MTERF4: variants seen among roughly 807,000 people sequenced by gnomAD.
The protein encoded by MTERF4 is transcription termination factor 4, mitochondrial.
MTERF4 carries 17 observed loss-of-function variants against 22.5 expected under a neutral mutation model. That is an observed-to-expected ratio of 0.75 (90% CI 0.52 to 1.13). The LOEUF (loss-of-function observed/expected upper bound fraction) is 1.13, where lower values mean the gene tolerates loss of function less well. MTERF4 is among the 50% of genes most tolerant of loss of function. The pLI, the probability that MTERF4 is intolerant of heterozygous loss-of-function variation, is 0.00. For synonymous variants in MTERF4, 165 were observed against 175.3 expected (o/e 0.94, Z 0.47); for missense variants, 420 against 466.8 (o/e 0.90, Z 0.92).
At chr2:241,091,544 G>A (rs916516666), downstream of MTERF4, 1 of 133,926 alleles carries the variant, frequency 7.5e-6, no homozygotes, top group African/African-American at 3.4e-5. The surrounding 1 kb of genome is among the most constrained non-coding windows in gnomAD (Gnocchi z 4.1). Context: ...CAGAGGCCCT[G>A]AGGGCCACTA....
chr2:241,085,031 C>A (rs1308336336), downstream of MTERF4, among the ~76,000 whole-genome samples: 1 of 152,036 alleles, frequency 6.6e-6, no homozygotes, highest in East Asian at 1.9e-4. Flanking sequence ...ATGTGTCTTC[C>A]TGCCCCTTTT....
At chr2:241,067,961 C>T (rs1321809130), downstream of MTERF4, 3 of 1,600,110 alleles carry the variant, frequency 1.9e-6, no homozygotes, top group South Asian at 3.3e-5. Context: ...AGAAGGGACA[C>T]CCAGAGCATG....
At chr2:241,062,373 G>A in the MTERF4 span, among the ~76,000 whole-genome samples, 1 of 152,168 alleles carries the variant, frequency 6.6e-6, no homozygotes, top group Non-Finnish European at 1.5e-5. Flanking sequence ...CACAACTCCC[G>A]CTTGAAAAGA....
At chr2:241,101,534 G>A (rs2064707856) in intron 1 of MTERF4, among the ~76,000 whole-genome samples, 1 of 152,194 alleles carries the variant, frequency 6.6e-6, no homozygotes, top group Admixed American at 6.5e-5. Flanking sequence ...CTTCTCCAGC[G>A]TCATCGATTG....
intron 4 of MTERF4, among the ~76,000 whole-genome samples, chr2:241,081,272 A>G (rs1394630059): frequency 6.6e-6 from 1 of 150,528 alleles, no homozygotes; most frequent in Non-Finnish European, 1.5e-5. Context: ...ACCAGGAGGG[A>G]CCTCAGGATC....
At chr2:241,059,504 A>G in the MTERF4 span, among the ~76,000 whole-genome samples, 2 of 152,244 alleles carry the variant, frequency 1.3e-5, no homozygotes, top group African/African-American at 2.4e-5. Flanking sequence ...ACAGACTGGT[A>G]TCTCTCAAGA....
the MTERF4 span, among the ~76,000 whole-genome samples, chr2:241,060,349 A>C: frequency 6.6e-6 from 1 of 152,100 alleles, no homozygotes; most frequent in African/African-American, 2.4e-5. Flanking sequence ...TACCCAGCTA[A>C]TTTTTGTATT....
chr2:241,059,589 A>C, the MTERF4 span, among the ~76,000 whole-genome samples: 1 of 152,232 alleles, frequency 6.6e-6, no homozygotes, highest in Non-Finnish European at 1.5e-5. Context: ...TACAGTCATG[A>C]CCAAGTGGGA....
chr2:241,064,960 GGGT>G, the MTERF4 span: 4 of 1,567,998 alleles, frequency 2.6e-6, no homozygotes, highest in Non-Finnish European at 3.4e-6. This position sits in a 1 kb window ranked among gnomAD's most constrained non-coding sequence, Gnocchi z 7.0. Flanking sequence ...CGCCAAAGGT[GGGT>G]GGCGAGGGCG....
downstream of MTERF4, chr2:241,071,656 C>T (rs1332352717): frequency 2.6e-5 from 41 of 1,568,502 alleles, no homozygotes; most frequent in Non-Finnish European, 3.3e-5. Flanking sequence ...GCCCCCGGCG[C>T]GCCTGCCGGA....
the MTERF4 span, among the ~76,000 whole-genome samples, chr2:241,054,988 A>G: frequency 3.9e-5 from 6 of 152,078 alleles, no homozygotes; most frequent in African/African-American, 1.2e-4. Flanking sequence ...GTGGTGGCAC[A>G]TGCCTGTAAT....
Position 241,073,004 on chromosome 2 carries a change from G to T in MTERF4, n.3158C>A. Reference sequence around the variant, plus strand: ...AGGATGGGGCCTCTCAGCATGATCAGTGGTGGCTGTCCCTGAAGCAGCTCT... The same window carrying T: ...AGGATGGGGCCTCTCAGCATGATCATTGGTGGCTGTCCCTGAAGCAGCTCT... On this transcript the variant is annotated non_coding_transcript_exon_variant, in exon 5 of 5. Transcript: ENST00000464344. The surrounding 1 kb of genome is among the most constrained non-coding windows in gnomAD (Gnocchi z 6.6). 2.0e-6 allele frequency: 1 copy of T among 504,084 alleles called. No homozygotes were observed. Among genetic ancestry groups the T allele is most frequent in the South Asian group, 3.6e-5 (1 of 27,524 alleles). 31.2% of individuals were successfully genotyped at this position (504,084 alleles called of 1,614,324 possible). A position where few individuals can be genotyped will look rare whatever the true frequency, so the allele number is the denominator to read the frequency against.
chr2:241,097,384 G>A lies in MTERF4; in HGVS notation c.564C>T (p.Thr188=), dbSNP rs1270320306. The stretch of plus-strand genomic sequence containing the variant: ...TGTCGTTAATGTCCTGCTGGCGCAT[G>A]GTGAAAATTTCAGGGCAACAGTAAA... ...RVLYCCPEIF[T]MRQQDINDTV... Residue 188 remains threonine, a synonymous_variant, in exon 3 of 4, where the codon ACC becomes ACT. Coordinates refer to ENST00000391980, the MANE Select transcript of MTERF4 (RefSeq NM_182501.4). The A allele has an allele frequency of 6.2e-7, 1 of 1,614,120 alleles. No homozygotes were observed. The highest frequency in any genetic ancestry group is 8.5e-7 in the Non-Finnish European group (1 of 1,180,024).
intron 1 of MTERF4, among the ~76,000 whole-genome samples, chr2:241,100,419 G>T (rs1379184876): frequency 6.6e-6 from 1 of 151,954 alleles, no homozygotes; most frequent in Admixed American, 6.6e-5. Context: ...ACCTTATGAG[G>T]ATCTACTTCC....
At chr2:241,083,232 AT>A (rs1466554550), downstream of MTERF4, among the ~76,000 whole-genome samples, 6 of 152,112 alleles carry the variant, frequency 3.9e-5, no homozygotes, top group African/African-American at 1.4e-4. Context: ...TGGAGGAGGG[AT>A]GGACATTCCA....
chr2:241,054,421 T>C, the MTERF4 span, among the ~76,000 whole-genome samples: 1 of 152,106 alleles, frequency 6.6e-6, no homozygotes, highest in African/African-American at 2.4e-5. Context: ...ATTTAAAAAC[T>C]AGCCCGGCGT....
intron 2 of MTERF4, among the ~76,000 whole-genome samples, chr2:241,098,903 C>G (rs2064575028): frequency 6.6e-6 from 1 of 151,888 alleles, no homozygotes; most frequent in South Asian, 2.1e-4. Context: ...CTAGTCTTAA[C>G]TCCTCCTCCT....
chr2:241,048,686 G>A, the MTERF4 span: 4 of 1,611,464 alleles, frequency 2.5e-6, no homozygotes, highest in African/African-American at 4.0e-5. Flanking sequence ...TGTGAGTGCC[G>A]CAACGGAGGC....
In MTERF4 at chr2:241,097,435, A is replaced by T; in HGVS notation, c.521-8T>A. 6.2e-7 allele frequency: 1 copy of T among 1,606,888 alleles called. No individual in the cohort carries two copies. Among genetic ancestry groups the T allele is most frequent in the Non-Finnish European group, 8.5e-7 (1 of 1,175,374 alleles). On this transcript the variant is annotated splice_region_variant and splice_polypyrimidine_tract_variant and intron_variant, in intron 2 of 3. Transcript: ENST00000391980. ...GCACCCTCTTTAATTTCCCTGCAGA[A>T]CATTCAAAAAAGGCAAGCATATAAT...
Sources: allele counts gnomAD v4.1 joint callset (sites outside exome capture counted in the v4.1 genomes callset), GRCh38; gene constraint gnomAD v4.1.1; non-coding constraint Gnocchi (gnomAD v3.1); transcripts MANE v1.5; gene names NCBI Gene and HGNC (gene_info 2026-07-23, HGNC 2026-07-21).